The following TTN variants were observed in gnomAD, a reference collection of about 807,000 sequenced individuals.
TTN encodes connectin.
Under a neutral mutation model 3,223.0 loss-of-function variants are expected in TTN, and 1,525 were observed. The ratio of observed to expected loss-of-function variants is 0.47; its 90% CI spans 0.45 to 0.49. TTN has a LOEUF of 0.49. TTN is among the 20% of genes least tolerant of loss of function. The pLI is 0.00. For synonymous variants in TTN, 14,094 were observed against 15,161.0 expected, an observed-to-expected ratio of 0.93 and a Z score of 5.17; for missense variants, 40,786 against 43,424.0, an observed-to-expected ratio of 0.94 and a Z score of 5.40.
At chr2:178,647,040 G>GTATATATATATATATATA (rs10580462) in intron 215 of TTN, 24 bp downstream of exon 215, 13 of 731,394 alleles carry the variant, frequency 1.8e-5, no homozygotes, top group Non-Finnish European at 2.4e-5. Context: ...TTAAAAAAAT[G>GTATATATATATATATATA]TATATATATA....
At position 178,540,240 on chromosome 2, in the gene TTN, T is replaced by C. The variant is rs766450778; in HGVS notation, c.97926A>G (p.Val32642=). ...TACACTTGGTCCATTCATGTTGATC[T>C]ACTTTTTGCATTTCAATCAAGTAGC... The part of the protein sequence containing the change: ...VTGYLIEMQK[V]DQHEWTKCNT... The change falls in exon 351 of 363, where the codon GTA becomes GTG. Residue 32642 remains valine, a synonymous_variant. Coordinates refer to ENST00000589042, the MANE Select transcript of TTN (RefSeq NM_001267550.2). 2 of 1,613,848 alleles carry C rather than the reference T, an allele frequency of 1.2e-6. No homozygotes were observed. The highest frequency in any genetic ancestry group is 1.7e-6 in the Non-Finnish European group (2 of 1,179,770).
At position 178,695,846 on chromosome 2, in the gene TTN, TC is replaced by T; in HGVS notation, c.31207+18del. The stretch of plus-strand genomic sequence containing the variant: ...AAAATGAAGAAAAGAGGGAAACAAG[TC>T]ATTCAGTTTATACATACCTTCATAG... On this transcript the variant is annotated intron_variant, in intron 114 of 362. Transcript: ENST00000589042. The T allele has an allele frequency of 7.3e-7, 1 of 1,374,154 alleles. No individual in the cohort carries two copies. Among genetic ancestry groups the T allele is most frequent in the East Asian group, 2.7e-5 (1 of 37,520 alleles). The allele number at this position is 1,374,154 out of a possible 1,614,324, so 85.1% of individuals were successfully genotyped here.
Position 178,790,065 on chromosome 2 carries a change from T to G in TTN, c.1851A>C (p.Thr617=), listed in dbSNP as rs727504530. 21 of 1,613,234 alleles carry G rather than the reference T, an allele frequency of 1.3e-5. No individual in the cohort carries two copies. The highest frequency in any genetic ancestry group is 1.1e-5 in the Non-Finnish European group (13 of 1,179,490). ...KTVVPKVIVA[T]PKVKEQDLVS... ...CTAAATCTTGTTCTTTGACTTTGGGTGTGGCAACTATGACTTTAGGTACAA... is the reference window on the plus strand; with the variant it reads ...CTAAATCTTGTTCTTTGACTTTGGGGGTGGCAACTATGACTTTAGGTACAA... Residue 617 remains threonine, a synonymous_variant, in exon 12 of 363, where the codon ACA becomes ACC. Coordinates refer to ENST00000589042, the MANE Select transcript of TTN (RefSeq NM_001267550.2).
chr2:178,557,498 G>C lies in TTN; in HGVS notation c.87764C>G (p.Thr29255Ser). 6.2e-7 allele frequency: 1 copy of C among 1,613,936 alleles called. No individual in the cohort carries two copies. The highest frequency in any genetic ancestry group is 1.1e-5 in the South Asian group (1 of 91,086). Residue 29255 changes from threonine (T) to serine (S), a missense_variant, in exon 329 of 363, where the codon ACT becomes AGT. Physicochemically the swap from Thr to Ser is moderately conservative, Grantham distance 58 (BLOSUM62 1). Coordinates refer to ENST00000589042, the MANE Select transcript of TTN (RefSeq NM_001267550.2). ...TGACACTGGTTCATGCCAGCCCACA[G>C]TGATGCTTTCTCGAGTAACATTAGT... is the stretch of plus-strand genomic sequence containing the variant. ...WVTNVTRESI[T>S]VGWHEPVSNG...
rs749255859 is a variant in TTN, at chr2:178,569,096, T to C, written c.77036A>G (p.Asn25679Ser). 1 of 1,613,466 alleles carries C rather than the reference T, an allele frequency of 6.2e-7. No individual in the cohort carries two copies. Among genetic ancestry groups the C allele is most frequent in the South Asian group, 1.1e-5 (1 of 91,048 alleles). Reference protein sequence around the residue: ...CSYYFRVTAENEYGIGLPAQT... With the variant: ...CSYYFRVTAESEYGIGLPAQT... The stretch of plus-strand genomic sequence containing the variant: ...GGCAGGAAGGCCAATACCATACTCA[T>C]TCTCAGCTGTGACTCTAAAGTAATA... Residue 25679 changes from asparagine (N) to serine (S), a missense_variant, in exon 326 of 363, where the codon AAT (asparagine) becomes AGT (serine). Coordinates refer to ENST00000589042, the MANE Select transcript of TTN (RefSeq NM_001267550.2).
At position 178,603,740 on chromosome 2, in the gene TTN, A is replaced by G. The variant is rs1237448970; in HGVS notation, c.54811+136T>C. ...CATAAATATATACTTCCGATAGTCT[A>G]TGTGAACATGAACCTTTTTTATTTT... On this transcript the variant is annotated intron_variant, in intron 282 of 362. Coordinates refer to ENST00000589042, the MANE Select transcript of TTN (RefSeq NM_001267550.2). 7.2e-6 allele frequency: 6 copies of G among 836,884 alleles called. 1 individual carries two copies. Among genetic ancestry groups the G allele is most frequent in the African/African-American group, 5.1e-5 (3 of 58,382 alleles). 51.8% of individuals were successfully genotyped at this position (836,884 alleles called of 1,614,324 possible). A position where few individuals can be genotyped will look rare whatever the true frequency, so the allele number is the denominator to read the frequency against.
In TTN at chr2:178,540,375, G is replaced by A; in HGVS notation, c.97796-5C>T. The A allele has an allele frequency of 6.2e-7, 1 of 1,603,364 alleles. No individual in the cohort carries two copies. Among genetic ancestry groups the A allele is most frequent in the Non-Finnish European group, 8.5e-7 (1 of 1,174,072 alleles). On this transcript the variant is annotated splice_region_variant and splice_polypyrimidine_tract_variant and intron_variant, in intron 350 of 362. Transcript: ENST00000589042. ...TTTGTGGCTTTCCTGGAGGAGCTGA[G>A]AATAAGAATAAGAATATACTGGTTA...
At position 178,793,544 on chromosome 2, in the gene TTN, G is replaced by A. The variant is rs397517486; in HGVS notation, c.1399-3C>T. ...GTCTTCTCCGCTTCCTTTCTTACCT[G>A]CTTTTCATAGAGAAAGGAAGAAAAC... is the stretch of plus-strand genomic sequence containing the variant. On this transcript the variant is annotated splice_polypyrimidine_tract_variant and splice_region_variant and intron_variant, in intron 8 of 362. Transcript: ENST00000589042. 60 of 1,613,436 alleles carry A rather than the reference G, an allele frequency of 3.7e-5. No individual in the cohort carries two copies. The highest frequency in any genetic ancestry group is 3.3e-4 in the African/African-American group (25 of 75,010).
At position 178,612,762 on chromosome 2, in the gene TTN, G is replaced by A; in HGVS notation, c.49948+11C>T. ...AGAATTTATATATCCCAGACATCAA[G>A]AGTGACTTACATAGCTTCTCCCGGC... On this transcript the variant is annotated intron_variant, in intron 265 of 362. Coordinates refer to ENST00000589042, the MANE Select transcript of TTN (RefSeq NM_001267550.2). 1.2e-6 allele frequency: 2 copies of A among 1,602,190 alleles called. No homozygotes were observed. The highest frequency in any genetic ancestry group is 1.7e-6 in the Non-Finnish European group (2 of 1,176,010).
Position 178,649,547 on chromosome 2 carries a change from T to C in TTN, c.39973+7A>G. On this transcript the variant is annotated splice_region_variant and intron_variant, in intron 212 of 362. Transcript: ENST00000589042. ...CTTTTTTATGATGCCAACGATGAAG[T>C]GAATACCTTTAGCTGCTGGTGTTTC... 1 of 1,549,092 alleles carries C rather than the reference T, an allele frequency of 6.5e-7. No individual in the cohort carries two copies.
chr2:178,795,594 C>T (rs1288018076), intron 6 of TTN, among the ~76,000 whole-genome samples: 1 of 151,946 alleles, frequency 6.6e-6, no homozygotes, highest in Non-Finnish European at 1.5e-5. Flanking sequence ...AATCCAGCAA[C>T]CTCTGTATTC....
chr2:178,560,450 G>C lies in TTN; in HGVS notation c.85682C>G (p.Ser28561Cys), dbSNP rs781472455. The change falls in exon 326 of 363, where the codon TCT becomes TGT. Residue 28561 changes from serine (S) to cysteine (C), a missense_variant. Physicochemically the swap from Ser to Cys is moderately radical, Grantham distance 112 (BLOSUM62 -1). Transcript: ENST00000589042. ...AAGTGTCATAGATTCTTTGGTCACA[G>C]AAGTAATTTCCAAAGACGTGGGTGG... ...PSPPTSLEITSVTKESMTLCW... is the reference protein window; with the variant it reads ...PSPPTSLEITCVTKESMTLCW... 43 of 1,613,378 alleles carry C rather than the reference G, an allele frequency of 2.7e-5. No homozygotes were observed. The highest frequency in any genetic ancestry group is 1.3e-5 in the Non-Finnish European group (15 of 1,179,748).
At position 178,553,161 on chromosome 2, in the gene TTN, T is replaced by C. The variant is rs1338237149; in HGVS notation, c.89739A>G (p.Thr29913=). The C allele has an allele frequency of 6.2e-7, 1 of 1,613,440 alleles. No individual in the cohort carries two copies. The highest frequency in any genetic ancestry group is 8.5e-7 in the Non-Finnish European group (1 of 1,179,542). Residue 29913 remains threonine (T), a synonymous_variant, in exon 335 of 363, where the codon ACA becomes ACG. Coordinates refer to ENST00000589042, the MANE Select transcript of TTN (RefSeq NM_001267550.2). ...TAGGTTCACCAACTCCATTTTCTAT[T>C]GTGAGAATATATTTTCCTGTATCAT... ...TRNDTGKYIL[T]IENGVGEPKS...
chr2:178,572,494 A>G lies in TTN; in HGVS notation c.73638T>C (p.Asp24546=), dbSNP rs761939297. ...TATAGTTCTTGATTTTTGAACCTCC[A>G]TCAAGGAGAGGTGGGTCCCATGTGA... The part of the protein sequence containing the change: ...VTLTWDPPLL[D]GGSKIKNYIV... The change falls in exon 326 of 363, where the codon GAT becomes GAC. Residue 24546 remains aspartate, a synonymous_variant. Transcript: ENST00000589042. The G allele has an allele frequency of 1.2e-6, 2 of 1,613,192 alleles. No homozygotes were observed. The highest frequency in any genetic ancestry group is 1.7e-5 in the Admixed American group (1 of 59,948).
At chr2:178,744,228 A>G (rs2083022153) in intron 47 of TTN, among the ~76,000 whole-genome samples, 1 of 152,092 alleles carries the variant, frequency 6.6e-6, no homozygotes, top group Non-Finnish European at 1.5e-5. Flanking sequence ...AAGTAATTTA[A>G]GAGGTGGAGG....
chr2:178,756,387 C>T lies in TTN; in HGVS notation c.11089G>A (p.Gly3697Ser). The change falls in exon 46 of 363, where the codon GGT becomes AGT. Residue 3697 changes from glycine to serine, a missense_variant. Gly to Ser is a moderately conservative substitution (Grantham distance 56). Transcript: ENST00000589042. Reference sequence around the variant, plus strand: ...CTCTCGGATTCCTCTATCTTTGCACCTTCGTGAGTCCAGGTTACATCAATG... The same window carrying T: ...CTCTCGGATTCCTCTATCTTTGCACTTTCGTGAGTCCAGGTTACATCAATG... ...SFIDVTWTHEGAKIEESERLK... is the reference protein window; with the variant it reads ...SFIDVTWTHESAKIEESERLK... 1 of 1,613,740 alleles carries T rather than the reference C, an allele frequency of 6.2e-7. No individual in the cohort carries two copies.
rs761455000 is a variant in TTN at position 178,591,786 on chromosome 2, T to G, written c.60033A>C (p.Gly20011=). The G allele has an allele frequency of 1.9e-6, 3 of 1,613,146 alleles. No homozygotes were observed. In the East Asian group the frequency reaches 6.7e-5, roughly 36 times the overall value. The change falls in exon 303 of 363, where the codon GGA becomes GGC. Residue 20011 remains glycine, a synonymous_variant. Transcript: ENST00000589042. The stretch of plus-strand genomic sequence containing the variant: ...CTTCTTCTTGATATTCTACCAAATA[T>G]CCAGTGATTGGAGAACCACCATCAC... ...PDRDGGSPIT[G]YLVEYQEEGT... is the part of the protein sequence containing the mutation.
At chr2:178,732,402 C>T in intron 56 of TTN, 38 bp downstream of exon 56, 1 of 1,578,008 alleles carries the variant, frequency 6.3e-7, no homozygotes, top group Admixed American at 1.8e-5. Context: ...GAATTTATAA[C>T]AAGGTTAGCA....
In TTN at chr2:178,749,355, G is replaced by T. The variant is rs140064945; in HGVS notation, c.11311+3769C>A. ...CATTGTATGAATTCAGCCCTGATGG[G>T]CTTGCTGATTTTTATGGTTCTTGAA... On this transcript the variant is annotated intron_variant, in intron 47 of 362. Coordinates refer to ENST00000589042, the MANE Select transcript of TTN (RefSeq NM_001267550.2). 283 of 1,612,822 alleles carry T rather than the reference G, an allele frequency of 1.8e-4. 2 individuals carry two copies. The African/African-American group carries it at 3.3e-3, about 19-fold the overall frequency.
Sources: gnomAD v4.1 joint callset for allele counts (sites outside exome capture counted in the v4.1 genomes callset) on GRCh38, gnomAD v4.1.1 for gene constraint, MANE v1.5 for transcripts, NCBI Gene and HGNC (gene_info 2026-07-23, HGNC 2026-07-21) for gene names.